Variants in ASIC2 observed in about 807,000 individuals in gnomAD.
ASIC2 encodes the protein acid-sensing ion channel 2.
In ASIC2, 25 loss-of-function variants were observed where a neutral mutation model predicts 57.3. The observed-to-expected ratio is 0.44, with a 90% CI of 0.32 to 0.61. The LOEUF (loss-of-function observed/expected upper bound fraction) is 0.61. Ranked by LOEUF, ASIC2 falls within the 20% of genes least tolerant of loss-of-function variation. ASIC2 has a pLI of 0.06. For synonymous variants in ASIC2, 319 were observed against 307.5 expected (o/e 1.04, Z -0.39); for missense variants, 641 against 738.1 (o/e 0.87, Z 1.52).
intron 1 of ASIC2, among the ~76,000 whole-genome samples, chr17:34,146,134 A>G (rs1328615913): frequency 6.6e-6 from 1 of 152,208 alleles, no homozygotes; most frequent in Admixed American, 6.5e-5. Flanking sequence ...TCTAAGGGGA[A>G]CAAACCAGCT....
At chr17:33,564,355 A>G (rs1916167594) in intron 1 of ASIC2, among the ~76,000 whole-genome samples, 1 of 152,246 alleles carries the variant, frequency 6.6e-6, no homozygotes, top group Non-Finnish European at 1.5e-5. Context: ...GCAATGGATC[A>G]GGTTGAAGTT....
rs141741731 is a variant in ASIC2 at position 33,950,932 on chromosome 17, A to T, written c.555+205046T>A. On this transcript the variant is annotated intron_variant, in intron 1 of 9. Coordinates refer to the ASIC2 transcript ENST00000359872. The stretch of plus-strand genomic sequence containing the variant: ...TCTCTTATTATATTAACTGTCAGTT[A>T]ACAAATTGATCTTCAGAGGTATGAT... 2.5e-3 allele frequency among the ~76,000 whole-genome samples: 378 copies of T among 152,354 alleles called. 1 individual carries two copies. The highest frequency in any genetic ancestry group is 7.4e-3 in the African/African-American group (308 of 41,582).
At chr17:33,890,793 A>G (rs1057463939) in intron 1 of ASIC2, among the ~76,000 whole-genome samples, 7 of 152,162 alleles carry the variant, frequency 4.6e-5, no homozygotes, top group Non-Finnish European at 7.3e-5. Context: ...AGGGACAGGG[A>G]GAGTGCTTTT....
intron 1 of ASIC2, among the ~76,000 whole-genome samples, chr17:33,913,043 C>T (rs1915503023): frequency 1.3e-5 from 2 of 152,126 alleles, no homozygotes; most frequent in Middle Eastern, 6.8e-3. Context: ...AATTGCTCTA[C>T]CTTTTTGAGC....
At chr17:33,176,978 A>G (rs1905783211) in intron 1 of ASIC2, among the ~76,000 whole-genome samples, 1 of 152,208 alleles carries the variant, frequency 6.6e-6, no homozygotes, top group Non-Finnish European at 1.5e-5. Context: ...GACCTGGTCA[A>G]TGCTGAATTT....
chr17:33,583,097 C>T (rs1490186249), intron 1 of ASIC2, among the ~76,000 whole-genome samples: 1 of 152,206 alleles, frequency 6.6e-6, no homozygotes, highest in African/African-American at 2.4e-5. Flanking sequence ...CCAGCAGCGG[C>T]TTGGTCTAAG....
chr17:33,712,276 C>T (rs955144609), intron 1 of ASIC2, among the ~76,000 whole-genome samples: 12 of 152,188 alleles, frequency 7.9e-5, no homozygotes, highest in Non-Finnish European at 1.5e-4. Flanking sequence ...GTTTGCAAGA[C>T]GCTGTAGCTT....
At chr17:33,756,858 C>T (rs1014111787) in intron 1 of ASIC2, among the ~76,000 whole-genome samples, 18 of 152,202 alleles carry the variant, frequency 1.2e-4, no homozygotes, top group African/African-American at 3.9e-4. Flanking sequence ...GCCTTTAACA[C>T]AACACAGACG....
rs1186509516 is a variant in ASIC2 at position 33,816,899 on chromosome 17, C to T, written c.555+339079G>A. On this transcript the variant is annotated intron_variant, in intron 1 of 9. Coordinates refer to the ASIC2 transcript ENST00000359872. The stretch of plus-strand genomic sequence containing the variant: ...GAAGTTTGATTTTTAATTCACCTTG[C>T]AGAGTCATAAAGCAAACCAGTGATT... 2.0e-5 allele frequency: 3 copies of T among 152,256 alleles called. No individual in the cohort carries two copies. The East Asian group carries it at 5.8e-4, about 29-fold the overall frequency. 9.4% of individuals were successfully genotyped at this position (152,256 alleles called of 1,614,324 possible).
At chr17:33,361,796 A>G (rs1426572777) in intron 1 of ASIC2, among the ~76,000 whole-genome samples, 2 of 152,186 alleles carry the variant, frequency 1.3e-5, no homozygotes, top group African/African-American at 4.8e-5. Context: ...AGTAAGACAT[A>G]TGGAACAGTT....
intron 1 of ASIC2, among the ~76,000 whole-genome samples, chr17:34,052,016 A>G (rs924623775): frequency 6.6e-6 from 1 of 152,120 alleles, no homozygotes; most frequent in Non-Finnish European, 1.5e-5. Flanking sequence ...GGGAATAGAG[A>G]TGGATTAGTA....
intron 1 of ASIC2, among the ~76,000 whole-genome samples, chr17:33,614,949 G>A (rs1165247500): frequency 6.6e-6 from 1 of 152,176 alleles, no homozygotes; most frequent in African/African-American, 2.4e-5. Context: ...CGTAATAATA[G>A]CATCCACTTC....
chr17:33,147,227 T>A (rs1265507482), intron 1 of ASIC2, among the ~76,000 whole-genome samples: 1 of 152,052 alleles, frequency 6.6e-6, no homozygotes, highest in African/African-American at 2.4e-5. Flanking sequence ...TGGTAAAAAC[T>A]GCAAAAAAAG....
At chr17:34,085,928 G>GT (rs1288259838) in intron 1 of ASIC2, among the ~76,000 whole-genome samples, 2 of 151,118 alleles carry the variant, frequency 1.3e-5, no homozygotes, top group African/African-American at 4.9e-5. Context: ...TTCTTCTCTC[G>GT]TTTTTTCTTT....
At chr17:33,785,118 G>A (rs1432331279) in intron 1 of ASIC2, among the ~76,000 whole-genome samples, 1 of 151,978 alleles carries the variant, frequency 6.6e-6, no homozygotes. Context: ...AAAAAATGAG[G>A]GCATTAGGGT....
chr17:33,600,006 C>T (rs140819213), intron 1 of ASIC2, among the ~76,000 whole-genome samples: 1 of 152,316 alleles, frequency 6.6e-6, no homozygotes, highest in East Asian at 1.9e-4. Flanking sequence ...TTCTCGCCAT[C>T]TTCACTGCTG....
intron 1 of ASIC2, among the ~76,000 whole-genome samples, chr17:33,239,463 C>T (rs1166591216): frequency 3.9e-4 from 60 of 152,204 alleles, no homozygotes; most frequent in Admixed American, 3.9e-3. Context: ...TACCCTTATA[C>T]TCCTTATGGC....
chr17:33,218,683 A>G (rs1907589228), intron 1 of ASIC2, among the ~76,000 whole-genome samples: 2 of 152,194 alleles, frequency 1.3e-5, no homozygotes, highest in South Asian at 4.1e-4. Flanking sequence ...TGGCAGCAGC[A>G]TGCCTCACAC....
intron 1 of ASIC2, among the ~76,000 whole-genome samples, chr17:33,354,443 G>C (rs1042678632): frequency 6.6e-6 from 1 of 152,096 alleles, no homozygotes; most frequent in African/African-American, 2.4e-5. Context: ...ATGTGACCAA[G>C]CTATCCCCCA....
Sources: gnomAD v4.1 joint callset for allele counts (sites outside exome capture counted in the v4.1 genomes callset) on GRCh38, gnomAD v4.1.1 for gene constraint, MANE v1.5 for transcripts, NCBI Gene and HGNC (gene_info 2026-07-23, HGNC 2026-07-21) for gene names.